KYAT3: variants seen among roughly 807,000 people sequenced by gnomAD.
The protein encoded by KYAT3 is kynurenine--oxoglutarate transaminase 3.
In KYAT3, 50 loss-of-function variants were observed where a neutral mutation model predicts 59.0. That is an observed-to-expected ratio of 0.85 (90% CI 0.68 to 1.07). KYAT3 has a LOEUF of 1.07. Ranked by LOEUF, KYAT3 falls within the 50% of genes least tolerant of loss-of-function variation. The pLI is 0.00. For synonymous variants in KYAT3, 148 were observed against 177.0 expected (o/e 0.84, Z 1.30); for missense variants, 497 against 533.3 (o/e 0.93, Z 0.67).
chr1:88,970,955 G>A (rs1408150081), intron 2 of KYAT3, among the ~76,000 whole-genome samples: 1 of 152,150 alleles, frequency 6.6e-6, no homozygotes, highest in African/African-American at 2.4e-5. Context: ...CTCCAGTGAA[G>A]TAAATCACAT....
chr1:88,962,641 T>C (rs1676190616), intron 5 of KYAT3, among the ~76,000 whole-genome samples: 2 of 152,186 alleles, frequency 1.3e-5, no homozygotes, highest in South Asian at 4.1e-4. Flanking sequence ...TAAAGATGTT[T>C]CTCTCTTCTC....
At chr1:88,921,616 T>C in the KYAT3 span, among the ~76,000 whole-genome samples, 1 of 152,222 alleles carries the variant, frequency 6.6e-6, no homozygotes, top group Non-Finnish European at 1.5e-5. Flanking sequence ...TTTTTGCTCA[T>C]GTACCTGTAT....
At chr1:88,987,080 TTG>T (rs1677502217) in intron 2 of KYAT3, among the ~76,000 whole-genome samples, 1 of 152,256 alleles carries the variant, frequency 6.6e-6, no homozygotes. Flanking sequence ...GAATAATGCA[TTG>T]TCAGTGGTTT....
the KYAT3 span, among the ~76,000 whole-genome samples, chr1:88,928,822 G>A: frequency 6.6e-6 from 1 of 152,086 alleles, no homozygotes; most frequent in African/African-American, 2.4e-5. Flanking sequence ...CACTATCCGA[G>A]GGGTCCTAGG....
At chr1:88,986,589 G>A (rs575835256) in intron 2 of KYAT3, among the ~76,000 whole-genome samples, 3 of 151,862 alleles carry the variant, frequency 2.0e-5, no homozygotes, top group East Asian at 3.9e-4. Flanking sequence ...ACTGCGCCCC[G>A]CCTACATTTT....
chr1:88,974,946 G>A (rs922783818), intron 2 of KYAT3, among the ~76,000 whole-genome samples: 1 of 152,144 alleles, frequency 6.6e-6, no homozygotes, highest in Non-Finnish European at 1.5e-5. Flanking sequence ...GGGAATAAAG[G>A]CCGGCCACGT....
chr1:88,960,640 C>T (rs750331521), intron 8 of KYAT3, among the ~76,000 whole-genome samples: 2 of 152,070 alleles, frequency 1.3e-5, no homozygotes, highest in Non-Finnish European at 2.9e-5. Context: ...GGTGCGAAGA[C>T]CCAAAAGTTG....
intron 13 of KYAT3, among the ~76,000 whole-genome samples, chr1:88,941,635 G>T (rs1026491994): frequency 1.9e-4 from 29 of 151,826 alleles, no homozygotes; most frequent in African/African-American, 7.0e-4. Context: ...TGGACGTGCT[G>T]GGCTCATGTG....
chr1:88,983,614 T>C (rs1440226219), intron 2 of KYAT3: 3 of 1,613,974 alleles, frequency 1.9e-6, no homozygotes, highest in African/African-American at 1.3e-5. Context: ...CTAATGACTT[T>C]CCATTCATGT....
intron 2 of KYAT3, among the ~76,000 whole-genome samples, chr1:88,974,995 G>C (rs758036598): frequency 6.6e-6 from 1 of 152,170 alleles, no homozygotes; most frequent in African/African-American, 2.4e-5. Flanking sequence ...CCCTTCCGTG[G>C]TGTGGAAGCT....
chr1:88,942,763 T>C (rs1403101571), intron 13 of KYAT3, among the ~76,000 whole-genome samples: 5 of 151,940 alleles, frequency 3.3e-5, no homozygotes, highest in Non-Finnish European at 7.4e-5. Flanking sequence ...GGGGTTTCAC[T>C]GTGTTATCCA....
At chr1:88,973,018 T>A (rs1015154779) in intron 2 of KYAT3, among the ~76,000 whole-genome samples, 2 of 152,180 alleles carry the variant, frequency 1.3e-5, no homozygotes, top group South Asian at 4.1e-4. Flanking sequence ...TTAGTTAAGA[T>A]GAGGTCATTA....
intron 11 of KYAT3, among the ~76,000 whole-genome samples, chr1:88,944,764 T>C (rs1221459974): frequency 6.6e-6 from 1 of 151,964 alleles, no homozygotes; most frequent in Non-Finnish European, 1.5e-5. Flanking sequence ...CCTAAGGGAG[T>C]AGAAGAGGAT....
chr1:88,921,990 C>T, the KYAT3 span, among the ~76,000 whole-genome samples: 5 of 152,178 alleles, frequency 3.3e-5, no homozygotes, highest in African/African-American at 4.8e-5. Context: ...TTTTATCATA[C>T]AGTTACACAC....
chr1:88,938,403 T>C (rs1053342551), intron 13 of KYAT3, among the ~76,000 whole-genome samples: 5 of 152,132 alleles, frequency 3.3e-5, no homozygotes, highest in African/African-American at 1.2e-4. Flanking sequence ...ATTTTAGGTT[T>C]GGGGGTACAT....
At chr1:88,927,611 G>C in the KYAT3 span, among the ~76,000 whole-genome samples, 1 of 151,884 alleles carries the variant, frequency 6.6e-6, no homozygotes, top group African/African-American at 2.4e-5. Context: ...AGAGGAGATA[G>C]ACAAAGGGGT....
the KYAT3 span, among the ~76,000 whole-genome samples, chr1:88,922,036 T>C: frequency 6.6e-6 from 1 of 152,174 alleles, no homozygotes; most frequent in African/African-American, 2.4e-5. Flanking sequence ...AAATTAACCA[T>C]CACAGCACCT....
downstream of KYAT3, among the ~76,000 whole-genome samples, chr1:88,935,480 G>T (rs201846068): frequency 6.6e-6 from 1 of 152,136 alleles, no homozygotes; most frequent in South Asian, 2.1e-4. Context: ...AGGTGAAGCC[G>T]ACTTGAATCA....
intron 11 of KYAT3, among the ~76,000 whole-genome samples, chr1:88,947,255 C>G (rs1213380628): frequency 6.6e-6 from 1 of 152,216 alleles, no homozygotes; most frequent in Non-Finnish European, 1.5e-5. Context: ...TTAGAAGTCT[C>G]TGCAGGAAAC....
Sources: gnomAD v4.1 joint callset for allele counts (sites outside exome capture counted in the v4.1 genomes callset) on GRCh38, gnomAD v4.1.1 for gene constraint, MANE v1.5 for transcripts, NCBI Gene and HGNC (gene_info 2026-07-23, HGNC 2026-07-21) for gene names.